MMS19: variants seen among roughly 807,000 people sequenced by gnomAD.
MMS19 encodes MMS19 cytosolic iron-sulfur assembly component.
A neutral mutation model predicts 129.8 loss-of-function variants in MMS19; 77 were observed. The ratio of observed to expected loss-of-function variants is 0.59; its 90% CI spans 0.49 to 0.72. The LOEUF (loss-of-function observed/expected upper bound fraction) is 0.72. MMS19 is among the 30% of genes least tolerant of loss of function. MMS19 has a pLI of 0.00. For missense variants in MMS19, 1,168 were observed against 1,266.3 expected, an observed-to-expected ratio of 0.92 and a Z score of 1.18; for synonymous variants, 491 against 502.8, an observed-to-expected ratio of 0.98 and a Z score of 0.31.
rs1007831696 is a variant in MMS19 at position 97,466,487 on chromosome 10, T to C, written c.1505+17A>G. 3 of 1,596,128 alleles carry C rather than the reference T, an allele frequency of 1.9e-6. No homozygotes were observed. Among genetic ancestry groups the C allele is most frequent in the Admixed American group, 1.7e-5 (1 of 60,000 alleles). Reference sequence around the variant, plus strand: ...GCAGGGAACAGCTTGCTCTATCTCATTGCTTTAAATTCTCACCAACTCTGG... The same window carrying C: ...GCAGGGAACAGCTTGCTCTATCTCACTGCTTTAAATTCTCACCAACTCTGG... On this transcript the variant is annotated intron_variant, in intron 16 of 30. Transcript: ENST00000438925.
At chr10:97,469,193 G>A in intron 11 of MMS19, 89 bp from the exon 12 acceptor site, 1 of 1,450,666 alleles carries the variant, frequency 6.9e-7, no homozygotes, top group Non-Finnish European at 9.1e-7. Context: ...GTTGGAGAGG[G>A]GAGTGAGAAC....
At chr10:97,478,178 C>T (rs931837567) in intron 4 of MMS19, 126 bp downstream of exon 4, 6 of 758,502 alleles carry the variant, frequency 7.9e-6, no homozygotes, top group South Asian at 3.5e-5. Flanking sequence ...GCTGGTAACA[C>T]TAATTTAGTC....
At chr10:97,497,116 C>T (rs541946945) in intron 1 of MMS19, among the ~76,000 whole-genome samples, 330 of 152,292 alleles carry the variant, frequency 2.2e-3, no homozygotes, top group Middle Eastern at 0.02. Flanking sequence ...GGTATTTGCT[C>T]CTTGATGCTT....
At chr10:97,474,922 A>G (rs1225001196) in intron 8 of MMS19, among the ~76,000 whole-genome samples, 1 of 152,208 alleles carries the variant, frequency 6.6e-6, no homozygotes, top group East Asian at 1.9e-4. Context: ...TTTCAAAAAA[A>G]TGGATGAAAT....
chr10:97,477,366 A>G lies in MMS19; in HGVS notation c.474T>C (p.Phe158=). 6.8e-6 allele frequency: 11 copies of G among 1,613,968 alleles called. No homozygotes were observed. The highest frequency in any genetic ancestry group is 6.8e-6 in the Non-Finnish European group (8 of 1,179,870). The change falls in exon 6 of 31, where the codon TTT becomes TTC. Residue 158 remains phenylalanine (F), a synonymous_variant. Transcript: ENST00000438925. ...RHTVYNIITN[F]MRTREEELKS... ...TCTTACCTTCTTCCCGGGTTCGCAT[A>G]AAATTGGTGATGATATTGTAGACTG...
intron 3 of MMS19, chr10:97,480,451 T>A (rs2036584267): frequency 2.6e-6 from 1 of 385,924 alleles, no homozygotes; most frequent in Admixed American, 3.3e-5. Context: ...GTTGTCCTTT[T>A]TCCCCCTCAG....
At chr10:97,497,606 C>T (rs2040030583) in intron 1 of MMS19, among the ~76,000 whole-genome samples, 1 of 151,912 alleles carries the variant, frequency 6.6e-6, no homozygotes, top group African/African-American at 2.4e-5. Context: ...GATAAGCTGT[C>T]TGAACTAAGA....
chr10:97,466,301 G>T lies in MMS19; in HGVS notation c.1506-142C>A, dbSNP rs1207952638. On this transcript the variant is annotated intron_variant, in intron 16 of 30. Coordinates refer to ENST00000438925, the MANE Select transcript of MMS19 (RefSeq NM_022362.5). ...AGAACTCAAGTACCTACACCACTGA[G>T]TTGGACAGGGCTTCTTAAAGCCTAA... is the stretch of plus-strand genomic sequence containing the variant. The T allele has an allele frequency of 2.4e-5, 19 of 779,038 alleles. No individual in the cohort carries two copies. The East Asian group carries it at 4.0e-4, about 16-fold the overall frequency. The allele number at this position is 779,038 out of a possible 1,614,324, so 48.3% of individuals were successfully genotyped here.
chr10:97,467,458 G>T, intron 14 of MMS19, 47 bp downstream of exon 14: 1 of 1,431,236 alleles, frequency 7.0e-7, no homozygotes, highest in Non-Finnish European at 9.8e-7. Flanking sequence ...TTTATAGGCT[G>T]AAGTGTTCAA....
At chr10:97,484,328 G>C (rs1200609686) in intron 1 of MMS19, among the ~76,000 whole-genome samples, 177 bp from the exon 2 acceptor site, 1 of 152,030 alleles carries the variant, frequency 6.6e-6, no homozygotes, top group Non-Finnish European at 1.5e-5. Flanking sequence ...CAAATATGCA[G>C]CTTTGTATAA....
intron 20 of MMS19, 32 bp downstream of exon 20, chr10:97,462,551 T>TG: frequency 6.5e-7 from 1 of 1,529,168 alleles, no homozygotes; most frequent in Non-Finnish European, 9.1e-7. Flanking sequence ...TCCTTCTCCC[T>TG]GGGTTCAAGC....
Position 97,466,809 on chromosome 10 carries a change from T to C in MMS19, c.1390A>G (p.Ile464Val). Residue 464 changes from isoleucine (I) to valine (V), a missense_variant, in exon 15 of 31, where the codon ATC becomes GTC. By Grantham distance (29) the Ile-to-Val change is conservative. This residue lies in a region of MMS19 where 831 missense variants were observed against 910.8 expected (regional missense o/e 0.91). Transcript: ENST00000438925. ...DPSTQLQLVG[I>V]RTLTVLGAQP... ...GCACCCAAGACTGTCAGTGTACGGA[T>C]GCCAACAAGCTGAAGCTGGGTGCTG... 6.2e-7 allele frequency: 1 copy of C among 1,614,000 alleles called. No homozygotes were observed. The highest frequency in any genetic ancestry group is 8.5e-7 in the Non-Finnish European group (1 of 1,179,888).
intron 18 of MMS19, 91 bp from the exon 19 acceptor site, chr10:97,464,104 G>A: frequency 1.7e-6 from 2 of 1,203,658 alleles, no homozygotes; most frequent in East Asian, 2.5e-5. Context: ...ACAAAGAAGA[G>A]TGACTGAAGG....
intron 14 of MMS19, 30 bp from the exon 15 acceptor site, chr10:97,466,931 G>A (rs1490585102): frequency 6.2e-7 from 1 of 1,612,652 alleles, no homozygotes; most frequent in Non-Finnish European, 8.5e-7. Flanking sequence ...CAGGTTAGAA[G>A]GAAGCCACTG....
chr10:97,466,005 G>A, intron 17 of MMS19, 51 bp from the exon 18 acceptor site: 1 of 1,611,978 alleles, frequency 6.2e-7, no homozygotes, highest in Non-Finnish European at 8.5e-7. Flanking sequence ...GAAGCACGAA[G>A]GCCCCAAAGC....
chr10:97,486,896 A>ATATATAT (rs2037998828), intron 1 of MMS19, among the ~76,000 whole-genome samples: 2 of 54,576 alleles, frequency 3.7e-5, no homozygotes, highest in African/African-American at 5.5e-5. Flanking sequence ...TATATATATA[A>ATATATAT]AATTAAGACA....
intron 24 of MMS19, 53 bp from the exon 25 acceptor site, chr10:97,460,804 C>T: frequency 6.4e-7 from 1 of 1,552,518 alleles, no homozygotes; most frequent in Non-Finnish European, 8.8e-7. Flanking sequence ...AACCCGAGAA[C>T]CCTGAGACAT....
At chr10:97,465,693 T>TTTTTTTTTTTTTTTTTTTTTTTTTTTTG in intron 18 of MMS19, 112 bp downstream of exon 18, 1 of 1,125,256 alleles carries the variant, frequency 8.9e-7, no homozygotes. Flanking sequence ...TTTTTTTCTT[T>TTTTTTTTTTTTTTTTTTTTTTTTTTTTG]TAAAAGAGTT....
In MMS19 at chr10:97,462,026, C is replaced by A. The variant is rs1254253012; in HGVS notation, c.2106G>T (p.Gln702His). 2 of 1,589,708 alleles carry A rather than the reference C, an allele frequency of 1.3e-6. No individual in the cohort carries two copies. The highest frequency in any genetic ancestry group is 1.7e-6 in the Non-Finnish European group (2 of 1,167,928). The change falls in exon 21 of 31, where the codon CAG (glutamine) becomes CAT (histidine). Residue 702 changes from glutamine to histidine, a missense_variant. Coordinates refer to ENST00000438925, the MANE Select transcript of MMS19 (RefSeq NM_022362.5). ...GTTCTAAGACTGTTACCTGGAATGG[C>A]TGGAATCTGCTCGGGAAGCTGTTTT... is the stretch of plus-strand genomic sequence containing the variant. ...LPENSFPSRFQPFQDGSSGQR... is the reference protein window; with the variant it reads ...LPENSFPSRFHPFQDGSSGQR...
Sources: allele counts gnomAD v4.1 joint callset (sites outside exome capture counted in the v4.1 genomes callset), GRCh38; gene constraint gnomAD v4.1.1; regional missense constraint gnomAD v4.1.1; transcripts MANE v1.5; gene names NCBI Gene and HGNC (gene_info 2026-07-23, HGNC 2026-07-21).